AGBL2: variants seen among roughly 807,000 people sequenced by gnomAD.
AGBL2 encodes cytosolic carboxypeptidase 2.
AGBL2 carries 87 observed loss-of-function variants against 103.0 expected under a neutral mutation model. The ratio of observed to expected loss-of-function variants is 0.84; its 90% CI spans 0.71 to 1.01. The LOEUF is 1.01. AGBL2 is among the 50% of genes least tolerant of loss of function. The pLI, the probability that AGBL2 is intolerant of heterozygous loss-of-function variation, is 0.00. For missense variants in AGBL2, 904 were observed against 1,023.5 expected (o/e 0.88, Z 1.59); for synonymous variants, 335 against 356.7 (o/e 0.94, Z 0.69).
intron 11 of AGBL2, among the ~76,000 whole-genome samples, chr11:47,683,234 A>C (rs1023583988): frequency 1.3e-5 from 2 of 151,946 alleles, no homozygotes; most frequent in Non-Finnish European, 2.9e-5. Context: ...TTAGCCGGGC[A>C]TGGCAACATG....
intron 10 of AGBL2, among the ~76,000 whole-genome samples, chr11:47,686,376 C>G (rs75044120): frequency 6.6e-6 from 1 of 151,934 alleles, no homozygotes; most frequent in African/African-American, 2.4e-5. Flanking sequence ...TCAAGTCATC[C>G]GCCCACCTCA....
chr11:47,699,395 A>G (rs755272658), intron 8 of AGBL2, 51 bp downstream of exon 8: 1 of 1,014,142 alleles, frequency 9.9e-7, no homozygotes, highest in Non-Finnish European at 1.5e-6. Context: ...ACATATGTTT[A>G]TTATAACTTT....
chr11:47,668,411 T>A (rs577700747), intron 15 of AGBL2, among the ~76,000 whole-genome samples: 5 of 151,902 alleles, frequency 3.3e-5, no homozygotes, highest in African/African-American at 1.2e-4. Flanking sequence ...GCAGGAGAAT[T>A]GCTTGAACCC....
intron 7 of AGBL2, among the ~76,000 whole-genome samples, chr11:47,701,066 AC>A (rs1315255312): frequency 6.6e-6 from 1 of 151,802 alleles, no homozygotes; most frequent in Admixed American, 6.6e-5. Flanking sequence ...AAAAAAAAAA[AC>A]AAACAAACAA....
At chr11:47,683,152 C>T (rs1484277615) in intron 11 of AGBL2, among the ~76,000 whole-genome samples, 1 of 151,854 alleles carries the variant, frequency 6.6e-6, no homozygotes, top group Non-Finnish European at 1.5e-5. Context: ...GGCCCAATCA[C>T]CTGAGGTCAG....
In AGBL2 at chr11:47,704,533, G is replaced by T; in HGVS notation, c.586+10C>A. ...AGAATAGCAAGACCACTGTGAGTAAGTCATATTACCAATATGATGGATGTT... is the reference window on the plus strand; with the variant it reads ...AGAATAGCAAGACCACTGTGAGTAATTCATATTACCAATATGATGGATGTT... On this transcript the variant is annotated intron_variant, in intron 7 of 18. Coordinates refer to ENST00000525123, the MANE Select transcript of AGBL2 (RefSeq NM_024783.4). 6.4e-7 allele frequency: 1 copy of T among 1,573,968 alleles called. No individual in the cohort carries two copies.
intron 10 of AGBL2, among the ~76,000 whole-genome samples, chr11:47,687,157 TA>T (rs1013662140): frequency 1.7e-4 from 26 of 149,654 alleles, no homozygotes; most frequent in East Asian, 1.2e-3. Flanking sequence ...AAATAAATAA[TA>T]AAAAAAAATA....
intron 7 of AGBL2, among the ~76,000 whole-genome samples, chr11:47,703,002 C>T (rs964946826): frequency 1.5e-4 from 23 of 152,236 alleles, no homozygotes; most frequent in Admixed American, 1.5e-3. Context: ...TCCATAAATG[C>T]TTAATCCATA....
At position 47,663,030 on chromosome 11, in the gene AGBL2, A is replaced by G. The variant is rs2097332090; in HGVS notation, c.2531T>C (p.Met844Thr). 12 of 1,608,364 alleles carry G rather than the reference A, an allele frequency of 7.5e-6. No individual in the cohort carries two copies. In the East Asian group the frequency reaches 2.7e-4, roughly 36 times the overall value. Residue 844 changes from methionine to threonine, a missense_variant, in exon 18 of 19, where the codon ATG (methionine) becomes ACG (threonine). Physicochemically the swap from Met to Thr is moderately conservative, Grantham distance 81. Coordinates refer to ENST00000525123, the MANE Select transcript of AGBL2 (RefSeq NM_024783.4). ...TLILPKNKGR[M>T]QNKKPGFTVS... ...ACAGTATATTAGGTGAAGTACCTGC[A>G]TTCTCCCTTTATTCTTAGGCAGAAT...
intron 8 of AGBL2, among the ~76,000 whole-genome samples, chr11:47,694,001 G>A (rs2097457756): frequency 6.6e-6 from 1 of 152,008 alleles, no homozygotes; most frequent in African/African-American, 2.4e-5. Flanking sequence ...ACCAGCCTGG[G>A]CAACATGGCA....
intron 8 of AGBL2, among the ~76,000 whole-genome samples, chr11:47,696,033 A>AT (rs2097470633): frequency 1.1e-4 from 1 of 8,934 alleles, no homozygotes; most frequent in Admixed American, 1.8e-3. Flanking sequence ...AAAAAAAAAA[A>AT]AAAGAAAAAA....
intron 13 of AGBL2, among the ~76,000 whole-genome samples, chr11:47,678,895 T>C (rs1304609426): frequency 6.8e-6 from 1 of 148,024 alleles, no homozygotes; most frequent in East Asian, 2.1e-4. Context: ...CCATCTGTAC[T>C]AAAAAATACA....
intron 4 of AGBL2, among the ~76,000 whole-genome samples, chr11:47,706,405 A>T (rs1459080283): frequency 6.6e-6 from 1 of 151,938 alleles, no homozygotes; most frequent in Non-Finnish European, 1.5e-5. Flanking sequence ...AGCTCCAGCT[A>T]CTCGAGAGGC....
At chr11:47,675,426 C>G (rs2153803232) in intron 14 of AGBL2, among the ~76,000 whole-genome samples, 1 of 143,924 alleles carries the variant, frequency 6.9e-6, no homozygotes, top group South Asian at 2.3e-4. Context: ...ACTCTGTCAC[C>G]CAGGCTGAAA....
chr11:47,705,851 G>A lies in AGBL2; in HGVS notation c.286+13C>T, dbSNP rs1238748356. Reference sequence around the variant, plus strand: ...GGAGCTTGAATCTTCTGGTCTGGAAGGACATGAAATACCTCTGTTGATGGC... The same window carrying A: ...GGAGCTTGAATCTTCTGGTCTGGAAAGACATGAAATACCTCTGTTGATGGC... On this transcript the variant is annotated intron_variant, in intron 5 of 18. Coordinates refer to ENST00000525123, the MANE Select transcript of AGBL2 (RefSeq NM_024783.4). 1.6e-5 allele frequency: 26 copies of A among 1,612,542 alleles called. No homozygotes were observed. The highest frequency in any genetic ancestry group is 2.1e-5 in the Non-Finnish European group (25 of 1,178,762).
intron 13 of AGBL2, 122 bp downstream of exon 13, chr11:47,679,851 A>T: frequency 1.7e-6 from 1 of 576,688 alleles, no homozygotes. Context: ...CATGTTGCCC[A>T]GGCTGGTCTT....
At chr11:47,663,931 G>A (rs1303514881) in intron 17 of AGBL2, among the ~76,000 whole-genome samples, 3 of 148,674 alleles carry the variant, frequency 2.0e-5, no homozygotes, top group South Asian at 2.2e-4. Flanking sequence ...CTTGGCTCAC[G>A]GCAACCTCCA....
intron 17 of AGBL2, among the ~76,000 whole-genome samples, chr11:47,664,462 A>G (rs2097335887): frequency 6.7e-6 from 1 of 148,210 alleles, no homozygotes. Flanking sequence ...CCCAGGCTGG[A>G]GTGCAGTGGC....
intron 8 of AGBL2, among the ~76,000 whole-genome samples, chr11:47,698,966 C>CAAAAAAA (rs5791781): frequency 1.7e-5 from 2 of 117,562 alleles, no homozygotes; most frequent in Non-Finnish European, 3.7e-5. Context: ...GTAGGAATGG[C>CAAAAAAA]AAAAAAAAAA....
Sources: allele counts gnomAD v4.1 joint callset (sites outside exome capture counted in the v4.1 genomes callset), GRCh38; gene constraint gnomAD v4.1.1; transcripts MANE v1.5; gene names NCBI Gene and HGNC (gene_info 2026-07-23, HGNC 2026-07-21).